Variants in MCTP1 observed in about 807,000 individuals in gnomAD.
The protein encoded by MCTP1 is multiple C2 and transmembrane domain-containing protein 1.
Under a neutral mutation model 120.6 loss-of-function variants are expected in MCTP1, and 69 were observed. That is an observed-to-expected ratio of 0.57 (90% confidence interval 0.47 to 0.70). MCTP1 has a LOEUF of 0.70. Among genes scored for constraint, MCTP1 ranks in the 30% least tolerant of loss-of-function variants. MCTP1 has a pLI of 0.00. For synonymous variants in MCTP1, 529 were observed against 493.1 expected, an observed-to-expected ratio of 1.07 and a Z score of -0.96; for missense variants, 1,203 against 1,248.8, an observed-to-expected ratio of 0.96 and a Z score of 0.55.
At chr5:94,942,660 TTAAG>T (rs1818010034) in intron 3 of MCTP1, among the ~76,000 whole-genome samples, 1 of 152,088 alleles carries the variant, frequency 6.6e-6, no homozygotes, top group Admixed American at 6.6e-5. Flanking sequence ...AAACAGAACT[TTAAG>T]ATAGATGTAA....
intron 19 of MCTP1, among the ~76,000 whole-genome samples, chr5:94,746,896 C>A (rs147095539): frequency 4.1e-4 from 62 of 152,316 alleles, no homozygotes; most frequent in African/African-American, 1.4e-3. Context: ...TGGCTAAATT[C>A]TTCTACAAAC....
chr5:95,088,725 C>T (rs979969684), intron 1 of MCTP1, among the ~76,000 whole-genome samples: 5 of 152,186 alleles, frequency 3.3e-5, no homozygotes, highest in Admixed American at 6.5e-5. Flanking sequence ...ACTGTTCTAA[C>T]TACTTTACCA....
intron 1 of MCTP1, among the ~76,000 whole-genome samples, chr5:95,074,718 A>G (rs1376787959): frequency 6.6e-6 from 1 of 152,194 alleles, no homozygotes; most frequent in Non-Finnish European, 1.5e-5. Flanking sequence ...GGTAGAATCT[A>G]TGGTTCTACG....
At chr5:95,076,452 GA>G (rs34708532) in intron 1 of MCTP1, among the ~76,000 whole-genome samples, 107,126 of 130,824 alleles carry the variant, frequency 0.82, 44,353 homozygotes, top group Non-Finnish European at 0.94. Context: ...GCTGAAAAAG[GA>G]AAAAAAAAAA....
intron 19 of MCTP1, among the ~76,000 whole-genome samples, chr5:94,778,822 A>G (rs12109605): frequency 0.044 from 6,642 of 152,278 alleles, 170 homozygotes; most frequent in Middle Eastern, 0.065. Context: ...AACAACAGTC[A>G]TCACTGCTGT....
intron 6 of MCTP1, 74 bp downstream of exon 6, chr5:94,931,879 T>C (rs1227412293): frequency 2.7e-6 from 3 of 1,105,136 alleles, no homozygotes; most frequent in Admixed American, 3.7e-5. Flanking sequence ...TTTGAAGAGA[T>C]GAGAGAGATC....
intron 1 of MCTP1, among the ~76,000 whole-genome samples, chr5:95,127,371 A>T (rs1350435919): frequency 6.6e-6 from 1 of 152,208 alleles, no homozygotes; most frequent in Non-Finnish European, 1.5e-5. Flanking sequence ...ACTAAGGCAC[A>T]GGGATACTGA....
At chr5:95,271,724 A>G (rs1288549347) in intron 1 of MCTP1, among the ~76,000 whole-genome samples, 1 of 151,876 alleles carries the variant, frequency 6.6e-6, no homozygotes, top group Non-Finnish European at 1.5e-5. Context: ...TATATATTAT[A>G]GATTTTACAT....
chr5:95,085,052 C>T (rs1013310731), intron 1 of MCTP1, among the ~76,000 whole-genome samples: 9 of 152,060 alleles, frequency 5.9e-5, no homozygotes, highest in Non-Finnish European at 1.2e-4. Context: ...TAACTTAAAC[C>T]TCCTACTCTG....
intron 6 of MCTP1, chr5:94,929,768 G>A (rs1814082018): frequency 8.6e-6 from 6 of 699,542 alleles, no homozygotes; most frequent in East Asian, 1.3e-4. Context: ...TTAACATTGC[G>A]CTCTTGTAAC....
At chr5:94,985,742 T>C (rs986230088) in intron 2 of MCTP1, among the ~76,000 whole-genome samples, 2 of 152,088 alleles carry the variant, frequency 1.3e-5, no homozygotes, top group African/African-American at 2.4e-5. Context: ...ATTCAAAACA[T>C]ATAGAGACTA....
chr5:94,899,278 G>C (rs1386844300), intron 10 of MCTP1, among the ~76,000 whole-genome samples: 1 of 152,164 alleles, frequency 6.6e-6, no homozygotes, highest in Non-Finnish European at 1.5e-5. Flanking sequence ...AGGCTCTCCT[G>C]GAGCCATGGT....
chr5:94,893,313 G>T (rs982094096), intron 11 of MCTP1, among the ~76,000 whole-genome samples: 1 of 152,116 alleles, frequency 6.6e-6, no homozygotes, highest in Non-Finnish European at 1.5e-5. Flanking sequence ...ATGCCTAGAA[G>T]AATTTTTATA....
At chr5:94,942,533 T>C (rs1276733398) in intron 3 of MCTP1, 106 bp from the exon 4 acceptor site, 3 of 652,512 alleles carry the variant, frequency 4.6e-6, no homozygotes, top group East Asian at 5.9e-5. Context: ...ACCAAAAGCA[T>C]ACTAATATTT....
intron 19 of MCTP1, among the ~76,000 whole-genome samples, chr5:94,715,513 T>A (rs1262430938): frequency 1.3e-5 from 2 of 152,160 alleles, no homozygotes; most frequent in African/African-American, 4.8e-5. Flanking sequence ...ATATGCTGTA[T>A]TAGGTTCTAA....
At chr5:95,201,558 A>C (rs1751056771) in intron 1 of MCTP1, among the ~76,000 whole-genome samples, 1 of 120,188 alleles carries the variant, frequency 8.3e-6, no homozygotes, top group Admixed American at 1.3e-4. Flanking sequence ...AGGCTGGAGC[A>C]CATTGGTGCT....
intron 19 of MCTP1, among the ~76,000 whole-genome samples, chr5:94,769,965 C>A (rs937850236): frequency 1.3e-5 from 2 of 152,054 alleles, no homozygotes; most frequent in Non-Finnish European, 2.9e-5. Context: ...AAAGTAGATA[C>A]CTCTATTTAT....
In MCTP1 at chr5:94,822,272, A is replaced by C. The variant is rs932590552; in HGVS notation, c.2437-23140T>G. 2.0e-5 allele frequency among the ~76,000 whole-genome samples: 3 copies of C among 152,108 alleles called. No homozygotes were observed. The East Asian group carries it at 5.8e-4, about 30-fold the overall frequency. ...TCCCTCCCTGTGCCCATATGTTCTCATTGTTCAACTCCCACTTATGAGTGA... is the reference window on the plus strand; with the variant it reads ...TCCCTCCCTGTGCCCATATGTTCTCCTTGTTCAACTCCCACTTATGAGTGA... On this transcript the variant is annotated intron_variant, in intron 17 of 22. Coordinates refer to ENST00000515393, the MANE Select transcript of MCTP1 (RefSeq NM_024717.7).
At chr5:94,779,470 T>C (rs1411237248) in intron 18 of MCTP1, among the ~76,000 whole-genome samples, 3 of 152,256 alleles carry the variant, frequency 2.0e-5, no homozygotes, top group African/African-American at 7.2e-5. Context: ...AAATTTCCCT[T>C]CTACCGATTC....
Sources: allele counts gnomAD v4.1 joint callset (sites outside exome capture counted in the v4.1 genomes callset), GRCh38; gene constraint gnomAD v4.1.1; transcripts MANE v1.5; gene names NCBI Gene and HGNC (gene_info 2026-07-23, HGNC 2026-07-21).